GRIA4: variants seen among roughly 807,000 people sequenced by gnomAD.
GRIA4 encodes the protein glutamate ionotropic receptor AMPA type subunit 4, also known as glutamate receptor 4.
In GRIA4, 34 loss-of-function variants were observed where a neutral mutation model predicts 104.0. The ratio of observed to expected loss-of-function variants is 0.33; its 90% CI spans 0.25 to 0.44. GRIA4 has a LOEUF of 0.44. GRIA4 is among the 20% of genes least tolerant of loss of function. The pLI, the probability that GRIA4 is intolerant of heterozygous loss-of-function variation, is 1.00. For missense variants in GRIA4, 750 were observed against 1,096.5 expected (o/e 0.68, Z 4.46); for synonymous variants, 386 against 381.9 (o/e 1.01, Z -0.13).
At chr11:105,736,785 G>GA (rs536361820) in intron 3 of GRIA4, among the ~76,000 whole-genome samples, 98 of 151,680 alleles carry the variant, frequency 6.5e-4, no homozygotes, top group Non-Finnish European at 1.1e-3. Context: ...TATGTTATTA[G>GA]AAAAAATGTT....
chr11:105,713,372 C>A (rs145576354), intron 3 of GRIA4, among the ~76,000 whole-genome samples: 1 of 150,900 alleles, frequency 6.6e-6, no homozygotes, highest in African/African-American at 2.5e-5. Flanking sequence ...ACAGATTGAA[C>A]TGCATCTCAA....
chr11:105,860,002 C>T (rs1256258680), intron 4 of GRIA4, among the ~76,000 whole-genome samples: 79 of 152,030 alleles, frequency 5.2e-4, no homozygotes, highest in Admixed American at 5.2e-3. Context: ...AGAAAGAATG[C>T]TGGGGTTTTG....
intron 3 of GRIA4, among the ~76,000 whole-genome samples, chr11:105,683,484 A>G (rs2135471799): frequency 6.6e-6 from 1 of 152,236 alleles, no homozygotes; most frequent in African/African-American, 2.4e-5. Context: ...TGCTTTTTTC[A>G]GTGTAAAAAC....
intron 4 of GRIA4, among the ~76,000 whole-genome samples, chr11:105,818,088 A>C (rs1166179577): frequency 1.3e-5 from 2 of 152,122 alleles, no homozygotes; most frequent in African/African-American, 4.8e-5. Flanking sequence ...CATGGGTCAT[A>C]AAAAGTGACC....
chr11:105,835,983 T>C (rs1395816131), intron 4 of GRIA4, among the ~76,000 whole-genome samples: 3 of 152,046 alleles, frequency 2.0e-5, no homozygotes, highest in Non-Finnish European at 4.4e-5. Flanking sequence ...TAAAAGAAGA[T>C]TTGGAACATC....
At chr11:105,969,116 T>C (rs1345155005) in intron 14 of GRIA4, among the ~76,000 whole-genome samples, 2 of 152,236 alleles carry the variant, frequency 1.3e-5, no homozygotes, top group Non-Finnish European at 2.9e-5. Context: ...AGGTATTATA[T>C]TTGGTCGTGC....
intron 5 of GRIA4, among the ~76,000 whole-genome samples, chr11:105,880,254 G>T (rs1269027488): frequency 6.6e-6 from 1 of 152,170 alleles, no homozygotes; most frequent in African/African-American, 2.4e-5. Context: ...GCTGTGCTAA[G>T]AATTGTTCAT....
chr11:105,780,427 T>C (rs1941675119), intron 4 of GRIA4, among the ~76,000 whole-genome samples: 1 of 152,214 alleles, frequency 6.6e-6, no homozygotes, highest in Non-Finnish European at 1.5e-5. Context: ...TCTGCATTCA[T>C]GCAGGTAAAT....
At chr11:105,716,550 A>G (rs556609) in intron 3 of GRIA4, among the ~76,000 whole-genome samples, 81,765 of 151,890 alleles carry the variant, frequency 0.54, 22,130 homozygotes, top group Admixed American at 0.61. Context: ...TATTTCTGAT[A>G]ACTCTGGTTA....
intron 3 of GRIA4, among the ~76,000 whole-genome samples, chr11:105,728,558 T>C (rs529066373): frequency 2.6e-5 from 4 of 152,192 alleles, no homozygotes; most frequent in Non-Finnish European, 4.4e-5. Context: ...TACATTCTTC[T>C]AAGCACCACA....
intron 4 of GRIA4, among the ~76,000 whole-genome samples, chr11:105,767,499 T>C (rs1270341378): frequency 6.6e-6 from 1 of 152,126 alleles, no homozygotes; most frequent in Non-Finnish European, 1.5e-5. Context: ...TGACCCCTTA[T>C]GTATGTTTTG....
intron 3 of GRIA4, among the ~76,000 whole-genome samples, chr11:105,653,590 G>A (rs1951745153): frequency 6.6e-6 from 1 of 152,160 alleles, no homozygotes; most frequent in Non-Finnish European, 1.5e-5. Flanking sequence ...ACTACAAAAA[G>A]TTAAGCCTCA....
chr11:105,782,580 C>T (rs906031386), intron 4 of GRIA4, among the ~76,000 whole-genome samples: 4 of 152,216 alleles, frequency 2.6e-5, no homozygotes, highest in Non-Finnish European at 4.4e-5. Flanking sequence ...TTAGGCTCCA[C>T]GGAATGCTGG....
At chr11:105,760,844 C>T (rs1478719373) in intron 4 of GRIA4, among the ~76,000 whole-genome samples, 1 of 151,766 alleles carries the variant, frequency 6.6e-6, no homozygotes. Context: ...GTTTGAAACC[C>T]TTTGGGATTT....
At chr11:105,765,850 C>T (rs1469364173) in intron 4 of GRIA4, among the ~76,000 whole-genome samples, 1 of 152,110 alleles carries the variant, frequency 6.6e-6, no homozygotes, top group African/African-American at 2.4e-5. Flanking sequence ...AGCTTGCCAA[C>T]CCTTAACTTA....
At chr11:105,676,919 C>T (rs1219082785) in intron 3 of GRIA4, among the ~76,000 whole-genome samples, 3 of 151,696 alleles carry the variant, frequency 2.0e-5, no homozygotes, top group Non-Finnish European at 4.4e-5. Context: ...TATATCTTAG[C>T]AGAAGTTTTC....
At chr11:105,768,126 G>C (rs1253204617) in intron 4 of GRIA4, among the ~76,000 whole-genome samples, 1 of 152,150 alleles carries the variant, frequency 6.6e-6, no homozygotes, top group African/African-American at 2.4e-5. Flanking sequence ...ATGGTCTTTT[G>C]TGTGATCACA....
At chr11:105,686,497 C>T (rs961999653) in intron 3 of GRIA4, among the ~76,000 whole-genome samples, 1 of 152,162 alleles carries the variant, frequency 6.6e-6, no homozygotes, top group Non-Finnish European at 1.5e-5. Flanking sequence ...AGGTTGACTG[C>T]ATGTCTTTGC....
chr11:105,882,420 A>G (rs1308080820), intron 5 of GRIA4, among the ~76,000 whole-genome samples: 2 of 152,174 alleles, frequency 1.3e-5, no homozygotes, highest in Non-Finnish European at 2.9e-5. Flanking sequence ...AGTACTTTAT[A>G]AACTATTGAT....
Sources: gnomAD v4.1 joint callset for allele counts (sites outside exome capture counted in the v4.1 genomes callset) on GRCh38, gnomAD v4.1.1 for gene constraint, MANE v1.5 for transcripts, NCBI Gene and HGNC (gene_info 2026-07-23, HGNC 2026-07-21) for gene names.